RFTN1: variants seen among roughly 807,000 people sequenced by gnomAD.
RFTN1 encodes the protein raftlin, lipid raft linker 1, also known as raftlin.
Under a neutral mutation model 46.5 loss-of-function variants are expected in RFTN1, and 26 were observed. The observed-to-expected ratio is 0.56, with a 90% CI of 0.41 to 0.78. RFTN1 has a LOEUF of 0.78. RFTN1 is among the 30% of genes least tolerant of loss of function. The probability of loss-of-function intolerance (pLI) is 0.00; values close to 1 mark genes in which losing one functional copy is unlikely to be tolerated. For missense variants in RFTN1, 693 were observed against 718.7 expected (o/e 0.96, Z 0.41); for synonymous variants, 261 against 284.2 (o/e 0.92, Z 0.82).
At chr3:16,415,716 G>T (rs6776190) in intron 3 of RFTN1, among the ~76,000 whole-genome samples, 19 of 152,130 alleles carry the variant, frequency 1.2e-4, no homozygotes, top group African/African-American at 3.6e-4. Flanking sequence ...AAGAGAACAC[G>T]TTTGTTTTCC....
intron 3 of RFTN1, among the ~76,000 whole-genome samples, chr3:16,414,237 A>G (rs1485356993): frequency 6.6e-6 from 1 of 152,086 alleles, no homozygotes; most frequent in African/African-American, 2.4e-5. Flanking sequence ...GGAGAAAGAC[A>G]ATAAGCAATA....
intron 4 of RFTN1, among the ~76,000 whole-genome samples, chr3:16,395,017 A>C (rs984938451): frequency 2.6e-5 from 4 of 152,276 alleles, no homozygotes; most frequent in Admixed American, 2.0e-4. Flanking sequence ...ATGAAAAAAA[A>C]GTACAGAAAT....
In RFTN1 at chr3:16,329,955, C is replaced by A. The variant is rs1050040295; in HGVS notation, c.1147-3079G>T. Among the ~76,000 whole-genome samples, 1 of 152,180 alleles carries A rather than the reference C, an allele frequency of 6.6e-6. No homozygotes were observed. Among genetic ancestry groups the A allele is most frequent in the Non-Finnish European group, 1.5e-5 (1 of 68,034 alleles). On this transcript the variant is annotated intron_variant, in intron 7 of 9. Coordinates refer to ENST00000334133, the MANE Select transcript of RFTN1 (RefSeq NM_015150.2). The surrounding 1 kb of genome is among the most constrained non-coding windows in gnomAD (Gnocchi z 4.5). Reference sequence around the variant, plus strand: ...GAACGACCCCTGCTGCAGCCCGACCCGCCTGCTTAGACAGACTGCAAACCG... The same window carrying A: ...GAACGACCCCTGCTGCAGCCCGACCAGCCTGCTTAGACAGACTGCAAACCG...
chr3:16,477,506 A>C (rs2076301264), intron 2 of RFTN1, among the ~76,000 whole-genome samples: 1 of 152,228 alleles, frequency 6.6e-6, no homozygotes, highest in African/African-American at 2.4e-5. Context: ...GAATTAGGGA[A>C]ACCTAGTTTA....
At chr3:16,396,623 T>C (rs1481805261) in intron 4 of RFTN1, among the ~76,000 whole-genome samples, 2 of 152,184 alleles carry the variant, frequency 1.3e-5, no homozygotes, top group African/African-American at 4.8e-5. Context: ...AGAGGTTTCA[T>C]TGAGGATTAG....
chr3:16,461,593 G>A (rs1027825256), intron 2 of RFTN1, among the ~76,000 whole-genome samples: 2 of 152,156 alleles, frequency 1.3e-5, no homozygotes, highest in Non-Finnish European at 2.9e-5. Flanking sequence ...GGCCCTTTCA[G>A]CCAATTATAC....
At chr3:16,456,322 A>G (rs1225905491) in intron 2 of RFTN1, among the ~76,000 whole-genome samples, 7 of 152,116 alleles carry the variant, frequency 4.6e-5, no homozygotes, top group Non-Finnish European at 7.4e-5. Context: ...TAAAGACCCC[A>G]TCTTCGGAGA....
intron 6 of RFTN1, among the ~76,000 whole-genome samples, chr3:16,364,851 G>A (rs2073054221): frequency 6.6e-6 from 1 of 152,190 alleles, no homozygotes; most frequent in East Asian, 1.9e-4. Flanking sequence ...GTTTCAAGTA[G>A]GGACTGTGGT....
intron 7 of RFTN1, 112 bp from the exon 8 acceptor site, chr3:16,326,988 C>G: frequency 1.4e-6 from 1 of 734,786 alleles, no homozygotes; most frequent in South Asian, 1.8e-5. Context: ...AGTGGCGGTG[C>G]CCGGCCACTC....
chr3:16,431,065 C>T (rs1030423591), intron 3 of RFTN1, among the ~76,000 whole-genome samples: 3 of 152,188 alleles, frequency 2.0e-5, no homozygotes, highest in Non-Finnish European at 4.4e-5. Context: ...GCAAGCCTTG[C>T]AAATCATGTA....
At chr3:16,435,602 C>T (rs1235464189) in intron 2 of RFTN1, among the ~76,000 whole-genome samples, 1 of 152,040 alleles carries the variant, frequency 6.6e-6, no homozygotes, top group African/African-American at 2.4e-5. Context: ...AAACAGTATA[C>T]TTTTCTTAAG....
chr3:16,403,557 G>GACACACAC lies in RFTN1; in HGVS notation c.441+5810_441+5817dup, dbSNP rs201161619. ...GCAGCATATGAGAGACAGAGACAGA[G>GACACACAC]ACACACACACACACACATATATTAT... On this transcript the variant is annotated intron_variant, in intron 4 of 9. Transcript: ENST00000334133. Among the ~76,000 whole-genome samples, 88 of 56,162 alleles carry GACACACAC rather than the reference G, an allele frequency of 1.6e-3. 26 individuals are homozygous for GACACACAC. The highest frequency in any genetic ancestry group is 7.0e-3 in the African/African-American group (86 of 12,350). The allele number at this position is 56,162 out of a possible 152,430, so 36.8% of individuals were successfully genotyped here.
In RFTN1 at chr3:16,459,294, A is replaced by C. The variant is rs551352026; in HGVS notation, c.146-25257T>G. ...CCAGAAAGGACTAAGTAATATCCAC[A>C]ATGTGTAACAGACACCTAAACTCTT... On this transcript the variant is annotated intron_variant, in intron 2 of 9. Transcript: ENST00000334133. This position sits in a 1 kb window ranked among gnomAD's most constrained non-coding sequence, Gnocchi z 4.2. 6.6e-6 allele frequency among the ~76,000 whole-genome samples: 1 copy of C among 152,190 alleles called. No homozygotes were observed. Among genetic ancestry groups the C allele is most frequent in the East Asian group, 1.9e-4 (1 of 5,194 alleles).
At chr3:16,319,713 C>G (rs181571924) in intron 9 of RFTN1, among the ~76,000 whole-genome samples, 1 of 152,138 alleles carries the variant, frequency 6.6e-6, no homozygotes, top group Non-Finnish European at 1.5e-5. Context: ...TAATACAAAA[C>G]GAGAACACAA....
Position 16,387,570 on chromosome 3 carries a change from T to TTCTTTCTCTCTCTCTCTCTCTCTCTCTC in RFTN1, c.442-9469_442-9468insGAGAGAGAGAGAGAGAGAGAGAGAAAGA, listed in dbSNP as rs1224689232. Among the ~76,000 whole-genome samples, 1 of 116,418 alleles carries TTCTTTCTCTCTCTCTCTCTCTCTCTCTC rather than the reference T, an allele frequency of 8.6e-6. No individual in the cohort carries two copies. Among genetic ancestry groups the TTCTTTCTCTCTCTCTCTCTCTCTCTCTC allele is most frequent in the African/African-American group, 3.9e-5 (1 of 25,514 alleles). The allele number at this position is 116,418 out of a possible 152,430, so 76.4% of individuals were successfully genotyped here. ...CACTTCTCTCTTCTATATCCTCAAT[T>TTCTTTCTCTCTCTCTCTCTCTCTCTCTC]TCTCTCTCTCTCTCTCTCTCTCTCT... On this transcript the variant is annotated intron_variant, in intron 4 of 9. Transcript: ENST00000334133. The surrounding 1 kb of genome is among the most constrained non-coding windows in gnomAD (Gnocchi z 5.2).
rs1280087594 is a variant in RFTN1, at chr3:16,316,855, T to C, written c.1710A>G (p.Arg570=). The change falls in exon 10 of 10, where the codon AGA becomes AGG. Residue 570 remains arginine, a synonymous_variant. Transcript: ENST00000334133. This position sits in a 1 kb window ranked among gnomAD's most constrained non-coding sequence, Gnocchi z 4.5. ...DARDGDAEEV[R]ELGTVEEN ...AGTTTTCTTCAACCGTACCAAGCTC[T>C]CTGACTTCCTCAGCATCCCCGTCCC... is the stretch of plus-strand genomic sequence containing the variant. The C allele has an allele frequency of 6.2e-7, 1 of 1,614,036 alleles. No homozygotes were observed. The highest frequency in any genetic ancestry group is 8.5e-7 in the Non-Finnish European group (1 of 1,180,032).
rs690085 is a variant in RFTN1, at chr3:16,327,339, C to T, written c.1147-463G>A. 0.32 allele frequency among the ~76,000 whole-genome samples: 49,300 copies of T among 152,090 alleles called. 8,827 individuals carry two copies. The highest frequency in any genetic ancestry group is 0.39 in the Non-Finnish European group (26,744 of 67,968). ...ACAGCAACACACACATGCACATCCA[C>T]ATGTGTGTGTACACGCAGAAGCTGC... On this transcript the variant is annotated intron_variant, in intron 7 of 9. Transcript: ENST00000334133. The surrounding 1 kb of genome is among the most constrained non-coding windows in gnomAD (Gnocchi z 4.2).
chr3:16,432,950 G>A (rs1019217315), intron 3 of RFTN1, among the ~76,000 whole-genome samples: 4 of 152,176 alleles, frequency 2.6e-5, no homozygotes, highest in African/African-American at 9.7e-5. Flanking sequence ...TGTCCCTTAT[G>A]AGCACACCAG....
At position 16,460,668 on chromosome 3, in the gene RFTN1, G is replaced by T. The variant is rs1256887072; in HGVS notation, c.146-26631C>A. Among the ~76,000 whole-genome samples the T allele has an allele frequency of 6.6e-6, 1 of 152,038 alleles. No individual in the cohort carries two copies. The highest frequency in any genetic ancestry group is 2.1e-4 in the South Asian group (1 of 4,814). On this transcript the variant is annotated intron_variant, in intron 2 of 9. Transcript: ENST00000334133. The surrounding 1 kb of genome is among the most constrained non-coding windows in gnomAD (Gnocchi z 4.8). Reference sequence around the variant, plus strand: ...TGAGGGTAGAAATATCATGTAAGAGGCCTGTTATACAGATAACTAACGCAA... The same window carrying T: ...TGAGGGTAGAAATATCATGTAAGAGTCCTGTTATACAGATAACTAACGCAA...
Sources: gnomAD v4.1 joint callset for allele counts (sites outside exome capture counted in the v4.1 genomes callset) on GRCh38, gnomAD v4.1.1 for gene constraint, Gnocchi (gnomAD v3.1) non-coding constraint, MANE v1.5 for transcripts, NCBI Gene and HGNC (gene_info 2026-07-23, HGNC 2026-07-21) for gene names.